The following KCNIP1 variants were observed in gnomAD, a reference collection of about 807,000 sequenced individuals.
The protein encoded by KCNIP1 is potassium voltage-gated channel interacting protein 1.
In KCNIP1, 18 loss-of-function variants were observed where a neutral mutation model predicts 33.0. That is an observed-to-expected ratio of 0.55 (90% CI 0.38 to 0.81). KCNIP1 has a LOEUF of 0.81. KCNIP1 is among the 30% of genes least tolerant of loss of function. KCNIP1 has a pLI of 0.00. For synonymous variants in KCNIP1, 93 were observed against 98.3 expected, an observed-to-expected ratio of 0.95 and a Z score of 0.32; for missense variants, 238 against 271.6, an observed-to-expected ratio of 0.88 and a Z score of 0.87.
intron 1 of KCNIP1, among the ~76,000 whole-genome samples, chr5:170,358,129 G>A (rs1763397216): frequency 6.6e-6 from 1 of 152,118 alleles, no homozygotes; most frequent in Non-Finnish European, 1.5e-5. Flanking sequence ...CATTCTGGCT[G>A]GGGAGGTTTA....
At chr5:170,585,935 C>T (rs1245926038) in intron 1 of KCNIP1, among the ~76,000 whole-genome samples, 1 of 152,228 alleles carries the variant, frequency 6.6e-6, no homozygotes, top group African/African-American at 2.4e-5. Context: ...TCCTCTAGTA[C>T]CTCTCAAGCA....
intron 1 of KCNIP1, among the ~76,000 whole-genome samples, chr5:170,712,235 C>G (rs1240180492): frequency 6.6e-6 from 1 of 152,230 alleles, no homozygotes; most frequent in Admixed American, 6.5e-5. Flanking sequence ...TGGGCTAACC[C>G]TCTTCTGCAA....
chr5:170,576,868 C>T (rs1288500335), intron 1 of KCNIP1, among the ~76,000 whole-genome samples: 1 of 152,180 alleles, frequency 6.6e-6, no homozygotes, highest in Non-Finnish European at 1.5e-5. Context: ...AAAATAGTTT[C>T]TGTGTATTTG....
intron 1 of KCNIP1, among the ~76,000 whole-genome samples, chr5:170,412,319 C>G (rs1176399050): frequency 1.3e-5 from 2 of 152,050 alleles, no homozygotes; most frequent in African/African-American, 4.8e-5. Context: ...ATGGGAGAAG[C>G]CTTGGGTGAC....
At chr5:170,452,330 G>T (rs956375533) in intron 1 of KCNIP1, among the ~76,000 whole-genome samples, 4 of 152,190 alleles carry the variant, frequency 2.6e-5, no homozygotes, top group African/African-American at 9.7e-5. Context: ...TCAAGATAGG[G>T]CTTCTCCTTA....
chr5:170,667,603 T>C (rs921940360), intron 1 of KCNIP1, among the ~76,000 whole-genome samples: 1 of 152,198 alleles, frequency 6.6e-6, no homozygotes, highest in Non-Finnish European at 1.5e-5. Flanking sequence ...CAGTATTGCA[T>C]TGTGGTTGAG....
chr5:170,621,683 A>AT lies in KCNIP1; in HGVS notation c.62-97069dup, dbSNP rs1759608725. On this transcript the variant is annotated intron_variant, in intron 1 of 7. Transcript: ENST00000328939. ...GCCACCACGCCTAGCTAATTTTTCA[A>AT]TTTTTTGTAGAGACAGGGTCTCACT... Among the ~76,000 whole-genome samples, 5 of 151,944 alleles carry AT rather than the reference A, an allele frequency of 3.3e-5. 1 individual carries two copies. The South Asian group carries it at 1.0e-3, about 32-fold the overall frequency.
intron 1 of KCNIP1, among the ~76,000 whole-genome samples, chr5:170,549,185 C>T (rs1012499960): frequency 4.6e-5 from 7 of 152,190 alleles, no homozygotes; most frequent in Admixed American, 2.0e-4. Flanking sequence ...ATACATGAGC[C>T]TTGGTTAACC....
chr5:170,401,839 C>G (rs925879374), intron 1 of KCNIP1, among the ~76,000 whole-genome samples: 6 of 152,074 alleles, frequency 3.9e-5, no homozygotes, highest in Non-Finnish European at 7.4e-5. Context: ...ACATGGCTCC[C>G]TACGGTACTT....
At chr5:170,515,364 A>G (rs1290840479) in intron 1 of KCNIP1, among the ~76,000 whole-genome samples, 2 of 152,108 alleles carry the variant, frequency 1.3e-5, no homozygotes, top group African/African-American at 4.8e-5. Context: ...TTCCCTTGCT[A>G]AGTGACCACT....
chr5:170,439,438 C>T (rs1731245216), intron 1 of KCNIP1, among the ~76,000 whole-genome samples: 2 of 152,104 alleles, frequency 1.3e-5, no homozygotes, highest in South Asian at 2.1e-4. Flanking sequence ...GCCACTGCAG[C>T]TCTCTCCTGC....
chr5:170,593,235 C>G (rs1174226126), intron 1 of KCNIP1, among the ~76,000 whole-genome samples: 3 of 152,204 alleles, frequency 2.0e-5, no homozygotes, highest in African/African-American at 7.2e-5. Context: ...GGAGAGACAA[C>G]AGAGACAGTC....
rs145504956 is a variant in KCNIP1, at chr5:170,354,216, CG to C, written c.88+253del. On this transcript the variant is annotated intron_variant, in intron 1 of 7. Transcript: ENST00000377360. ...TGGAGTTGGTGGTGTGTGGCTGATA[CG>C]TTATGGGCGGGCAGAGGGATAGAAC... Among the ~76,000 whole-genome samples, 9 of 152,218 alleles carry C rather than the reference CG, an allele frequency of 5.9e-5. No homozygotes were observed. The East Asian group carries it at 1.5e-3, about 26-fold the overall frequency.
chr5:170,605,869 G>T (rs1373462029), intron 1 of KCNIP1, among the ~76,000 whole-genome samples: 2 of 151,122 alleles, frequency 1.3e-5, no homozygotes, highest in Non-Finnish European at 2.9e-5. Context: ...CTGCCCCCTG[G>T]GTTCAAGTCA....
At chr5:170,583,702 C>A (rs915327049) in intron 1 of KCNIP1, among the ~76,000 whole-genome samples, 2 of 152,156 alleles carry the variant, frequency 1.3e-5, no homozygotes, top group African/African-American at 4.8e-5. Context: ...TGTTAGATCA[C>A]CCACCCCCGA....
chr5:170,445,612 G>A (rs1447457689), intron 1 of KCNIP1, among the ~76,000 whole-genome samples: 1 of 152,214 alleles, frequency 6.6e-6, no homozygotes, highest in African/African-American at 2.4e-5. Flanking sequence ...GCTAGTAAGT[G>A]TCAGAGCTTG....
intron 1 of KCNIP1, among the ~76,000 whole-genome samples, chr5:170,401,033 C>A (rs576316888): frequency 6.6e-6 from 1 of 152,320 alleles, no homozygotes; most frequent in African/African-American, 2.4e-5. Flanking sequence ...CTGACTCAGG[C>A]AGCTCTGAAG....
chr5:170,734,016 G>C, intron 7 of KCNIP1, 118 bp downstream of exon 7: 2 of 719,804 alleles, frequency 2.8e-6, no homozygotes, highest in Non-Finnish European at 4.7e-6. Flanking sequence ...CCTCCCATCA[G>C]AGCCAACAAC....
chr5:170,589,057 G>A (rs1758106590), intron 1 of KCNIP1, among the ~76,000 whole-genome samples: 1 of 144,882 alleles, frequency 6.9e-6, no homozygotes, highest in Admixed American at 7.2e-5. Context: ...GGAGTGCAGT[G>A]GCGCGATCTC....
Sources: gnomAD v4.1 joint callset for allele counts (sites outside exome capture counted in the v4.1 genomes callset) on GRCh38, gnomAD v4.1.1 for gene constraint, MANE v1.5 for transcripts, NCBI Gene and HGNC (gene_info 2026-07-23, HGNC 2026-07-21) for gene names.